The following SHB variants were observed in gnomAD, a reference collection of about 807,000 sequenced individuals.
SHB encodes SH2 domain-containing adapter protein B.
SHB carries 20 observed loss-of-function variants against 52.3 expected under a neutral mutation model. The ratio of observed to expected loss-of-function variants is 0.38; its 90% CI spans 0.27 to 0.56. The LOEUF is 0.56. Ranked by LOEUF, SHB falls within the 20% of genes least tolerant of loss-of-function variation. The pLI is 0.71. For synonymous variants in SHB, 397 were observed against 316.5 expected, an observed-to-expected ratio of 1.25 and a Z score of -2.70; for missense variants, 825 against 723.3, an observed-to-expected ratio of 1.14 and a Z score of -1.61.
chr9:38,039,454 G>A (rs1000129932), intron 1 of SHB, among the ~76,000 whole-genome samples: 5 of 152,266 alleles, frequency 3.3e-5, no homozygotes, highest in Non-Finnish European at 5.9e-5. Flanking sequence ...TCCGAAGGGG[G>A]TCATGGCCCT....
chr9:37,939,109 C>T (rs1307142579), intron 5 of SHB, among the ~76,000 whole-genome samples: 1 of 152,204 alleles, frequency 6.6e-6, no homozygotes, highest in Non-Finnish European at 1.5e-5. Context: ...CTATATCACA[C>T]ACCCAGGGCC....
At chr9:38,040,357 G>A (rs918087188) in intron 1 of SHB, among the ~76,000 whole-genome samples, 1 of 152,204 alleles carries the variant, frequency 6.6e-6, no homozygotes, top group Non-Finnish European at 1.5e-5. Context: ...ACCAGACCAC[G>A]GTGGGAAGCT....
chr9:37,942,280 C>T (rs1403644748), intron 5 of SHB, among the ~76,000 whole-genome samples: 4 of 152,230 alleles, frequency 2.6e-5, no homozygotes, highest in African/African-American at 9.6e-5. Context: ...ATCTGAAGGA[C>T]AGGAGGCAAG....
chr9:37,973,770 A>G (rs1820620590), intron 3 of SHB, among the ~76,000 whole-genome samples: 2 of 152,154 alleles, frequency 1.3e-5, no homozygotes, highest in African/African-American at 4.8e-5. Context: ...GGAGGGGCTG[A>G]GCTCTGTCCA....
At chr9:37,949,755 G>A (rs1253560640) in intron 4 of SHB, among the ~76,000 whole-genome samples, 2 of 152,240 alleles carry the variant, frequency 1.3e-5, no homozygotes, top group Non-Finnish European at 2.9e-5. Flanking sequence ...CAGGGAGGTA[G>A]CTGTCCATGC....
At chr9:38,025,915 T>A (rs1488059807) in intron 1 of SHB, among the ~76,000 whole-genome samples, 5 of 152,138 alleles carry the variant, frequency 3.3e-5, no homozygotes, top group African/African-American at 1.2e-4. Flanking sequence ...TAGACTCCCA[T>A]CAAATCCCAA....
Position 37,925,873 on chromosome 9 carries a change from T to C in SHB, c.1347-5869A>G, listed in dbSNP as rs148194129. On this transcript the variant is annotated intron_variant, in intron 5 of 5. Transcript: ENST00000377707. ...CATTTAAAGTGCACTCAACCATCAGTTGCCAGATAATTCTCAGGTGAGGGA... is the reference window on the plus strand; with the variant it reads ...CATTTAAAGTGCACTCAACCATCAGCTGCCAGATAATTCTCAGGTGAGGGA... 2.1e-3 allele frequency among the ~76,000 whole-genome samples: 316 copies of C among 152,304 alleles called. 3 individuals are homozygous for C. The highest frequency in any genetic ancestry group is 0.014 in the South Asian group (67 of 4,826).
chr9:37,969,038 T>A (rs10758466), intron 3 of SHB, among the ~76,000 whole-genome samples: 88,592 of 152,072 alleles, frequency 0.58, 26,083 homozygotes, highest in East Asian at 0.82. Context: ...CCTGACTGGA[T>A]CCATTTCAGG....
At chr9:38,008,117 C>T (rs1438776187) in intron 2 of SHB, among the ~76,000 whole-genome samples, 1 of 152,244 alleles carries the variant, frequency 6.6e-6, no homozygotes, top group South Asian at 2.1e-4. Flanking sequence ...GGGCAAGGAC[C>T]CTCAGCCCAC....
At chr9:37,989,041 A>AT (rs5897709) in intron 2 of SHB, among the ~76,000 whole-genome samples, 45 of 150,054 alleles carry the variant, frequency 3.0e-4, no homozygotes, top group African/African-American at 5.4e-4. Flanking sequence ...CACATGATCC[A>AT]TTTTTTTTTT....
At position 38,015,548 on chromosome 9, in the gene SHB, C is replaced by G. The variant is rs150191490; in HGVS notation, c.838+463G>C. The G allele has an allele frequency of 2.1e-4, 143 of 692,162 alleles. No individual in the cohort carries two copies. In the African/African-American group the frequency reaches 2.3e-3, roughly 11 times the overall value. The allele number at this position is 692,162 out of a possible 1,614,324, so 42.9% of individuals were successfully genotyped here. A position where few individuals can be genotyped will look rare whatever the true frequency, so the allele number is the denominator to read the frequency against. On this transcript the variant is annotated intron_variant, in intron 2 of 5. Coordinates refer to ENST00000377707, the MANE Select transcript of SHB (RefSeq NM_003028.3). ...AAACAAAGATTTCTCGGGATGCGGCCAGAAATAATTTTGTCTCTACTAGTA... is the reference window on the plus strand; with the variant it reads ...AAACAAAGATTTCTCGGGATGCGGCGAGAAATAATTTTGTCTCTACTAGTA...
intron 3 of SHB, among the ~76,000 whole-genome samples, chr9:37,971,292 G>T (rs1320987903): frequency 1.3e-5 from 2 of 152,186 alleles, no homozygotes; most frequent in Admixed American, 6.5e-5. Flanking sequence ...TCCTTCCCGG[G>T]AAGCTGCACT....
At chr9:37,992,622 A>G (rs1820896627) in intron 2 of SHB, among the ~76,000 whole-genome samples, 1 of 152,156 alleles carries the variant, frequency 6.6e-6, no homozygotes, top group African/African-American at 2.4e-5. Flanking sequence ...CCCGTACTTT[A>G]TCCCATGCAG....
In SHB at chr9:37,930,042, T is replaced by TA. The variant is rs1832295708; in HGVS notation, c.1347-10039dup. 2.0e-5 allele frequency among the ~76,000 whole-genome samples: 3 copies of TA among 152,112 alleles called. No individual in the cohort carries two copies. In the South Asian group the frequency reaches 6.2e-4, roughly 32 times the overall value. ...GCTTGAGCCTGGCAGGCTGAGGCTG[T>TA]AGTGAGTTGTGTTCACACCAATGCA... On this transcript the variant is annotated intron_variant, in intron 5 of 5. Coordinates refer to ENST00000377707, the MANE Select transcript of SHB (RefSeq NM_003028.3).
intron 1 of SHB, among the ~76,000 whole-genome samples, chr9:38,063,795 GT>G (rs5897715): frequency 0.21 from 26,657 of 129,824 alleles, 2,473 homozygotes; most frequent in East Asian, 0.44. Flanking sequence ...TTTGCTGGAT[GT>G]TTTTTTTTTT....
At chr9:37,973,747 G>A (rs1479728801) in intron 3 of SHB, among the ~76,000 whole-genome samples, 2 of 152,166 alleles carry the variant, frequency 1.3e-5, no homozygotes, top group East Asian at 3.9e-4. Flanking sequence ...CTTGGCCAGG[G>A]GAGGGTCATC....
chr9:38,052,682 C>G (rs1291613669), intron 1 of SHB, among the ~76,000 whole-genome samples: 2 of 152,152 alleles, frequency 1.3e-5, no homozygotes, highest in Admixed American at 6.5e-5. Flanking sequence ...CCTCAGGCTA[C>G]AGACATACAG....
intron 3 of SHB, among the ~76,000 whole-genome samples, chr9:37,959,077 G>C (rs1421210404): frequency 1.3e-5 from 2 of 152,178 alleles, no homozygotes; most frequent in Admixed American, 1.3e-4. Flanking sequence ...CTGAGTGCTG[G>C]TGGAGGGTGG....
Position 37,944,722 on chromosome 9 carries a change from A to C in SHB, c.1346+3913T>G, listed in dbSNP as rs1014435097. ...TTCTGGGAGCCCCCGAGACCCGCCA[A>C]GGCTCTCCTGCACCTCCATGGCTCT... is the stretch of plus-strand genomic sequence containing the variant. On this transcript the variant is annotated intron_variant, in intron 5 of 5. Coordinates refer to ENST00000377707, the MANE Select transcript of SHB (RefSeq NM_003028.3). Among the ~76,000 whole-genome samples, 5 of 151,722 alleles carry C rather than the reference A, an allele frequency of 3.3e-5. No homozygotes were observed. The South Asian group carries it at 6.3e-4, about 19-fold the overall frequency.
Sources: gnomAD v4.1 joint callset for allele counts (sites outside exome capture counted in the v4.1 genomes callset) on GRCh38, gnomAD v4.1.1 for gene constraint, MANE v1.5 for transcripts, NCBI Gene and HGNC (gene_info 2026-07-23, HGNC 2026-07-21) for gene names.